UNC13C: variants seen among roughly 807,000 people sequenced by gnomAD.
UNC13C encodes the protein unc-13 homolog C, also known as protein unc-13 homolog C.
A neutral mutation model predicts 245.4 loss-of-function variants in UNC13C; 174 were observed. The observed-to-expected ratio is 0.71, with a 90% CI of 0.63 to 0.80. The LOEUF is 0.80. Among genes scored for constraint, UNC13C ranks in the 30% least tolerant of loss-of-function variants. The probability of loss-of-function intolerance (pLI) is 0.00; values close to 1 mark genes in which losing one functional copy is unlikely to be tolerated. For synonymous variants in UNC13C, 992 were observed against 895.1 expected (o/e 1.11, Z -1.93); for missense variants, 2,829 against 2,602.9 (o/e 1.09, Z -1.89).
At chr15:54,471,527 C>T (rs1892460998) in intron 19 of UNC13C, among the ~76,000 whole-genome samples, 1 of 151,514 alleles carries the variant, frequency 6.6e-6, no homozygotes, top group Non-Finnish European at 1.5e-5. Context: ...TCCCCTTTGG[C>T]TTTCTTTGCA....
chr15:54,444,976 C>A (rs555951746), intron 19 of UNC13C, among the ~76,000 whole-genome samples: 1 of 128,104 alleles, frequency 7.8e-6, no homozygotes, highest in East Asian at 2.9e-4. Flanking sequence ...TCCCCCCACC[C>A]CACAACAGCC....
chr15:54,322,250 T>C (rs936635646), intron 14 of UNC13C, among the ~76,000 whole-genome samples, 155 bp downstream of exon 14: 1 of 152,050 alleles, frequency 6.6e-6, no homozygotes, highest in Non-Finnish European at 1.5e-5. Flanking sequence ...ATTTGAAACA[T>C]TTTTAGTAAA....
chr15:54,076,214 C>A (rs1046151288), intron 2 of UNC13C, among the ~76,000 whole-genome samples: 5 of 149,886 alleles, frequency 3.3e-5, no homozygotes, highest in Non-Finnish European at 7.4e-5. Flanking sequence ...CCCACTAACT[C>A]GTCATCTAGC....
chr15:54,613,871 A>T (rs1900260082), intron 30 of UNC13C, among the ~76,000 whole-genome samples: 1 of 152,038 alleles, frequency 6.6e-6, no homozygotes, highest in Admixed American at 6.6e-5. Context: ...ATTTGTGACC[A>T]GGGCAAAGAT....
At chr15:53,841,608 G>A in the UNC13C span, among the ~76,000 whole-genome samples, 7 of 152,144 alleles carry the variant, frequency 4.6e-5, no homozygotes, top group Non-Finnish European at 1.0e-4. Context: ...AAGAAATTAT[G>A]GCATATGTGA....
At chr15:54,216,385 A>C (rs1369957732) in intron 4 of UNC13C, among the ~76,000 whole-genome samples, 1 of 152,022 alleles carries the variant, frequency 6.6e-6, no homozygotes, top group Non-Finnish European at 1.5e-5. Flanking sequence ...ATGGTAATAC[A>C]CAAAACAGAG....
chr15:54,134,442 T>TG (rs2031621635), intron 2 of UNC13C, among the ~76,000 whole-genome samples: 1 of 130,660 alleles, frequency 7.7e-6, no homozygotes, highest in African/African-American at 2.9e-5. Context: ...GTGTGTGCGT[T>TG]TGTGTGTGTA....
At chr15:54,457,939 G>C (rs1244171226) in intron 19 of UNC13C, among the ~76,000 whole-genome samples, 1 of 108,390 alleles carries the variant, frequency 9.2e-6, no homozygotes, top group Non-Finnish European at 1.8e-5. Context: ...TTTGGGTTTA[G>C]TTCGTTCTTG....
chr15:54,175,372 G>A (rs2033571342), intron 4 of UNC13C, among the ~76,000 whole-genome samples: 1 of 152,152 alleles, frequency 6.6e-6, no homozygotes, highest in Non-Finnish European at 1.5e-5. Context: ...TCTGTCTCCA[G>A]TAGCACCACG....
chr15:54,624,968 A>C, intron 32 of UNC13C, among the ~76,000 whole-genome samples: 1 of 152,174 alleles, frequency 6.6e-6, no homozygotes, highest in East Asian at 1.9e-4. Context: ...TCATTACTAA[A>C]ATTAGGAAAG....
chr15:54,265,854 T>C (rs2140892456), intron 10 of UNC13C, among the ~76,000 whole-genome samples: 1 of 152,088 alleles, frequency 6.6e-6, no homozygotes, highest in African/African-American at 2.4e-5. Context: ...TGAAGATTTA[T>C]ATCTAAAGCC....
At chr15:54,576,866 A>C (rs762249779) in intron 30 of UNC13C, among the ~76,000 whole-genome samples, 10 of 152,232 alleles carry the variant, frequency 6.6e-5, no homozygotes, top group Non-Finnish European at 1.3e-4. Flanking sequence ...TTGAAATCTA[A>C]GTGCCCAGTA....
At chr15:54,286,519 G>T (rs1022682727) in intron 10 of UNC13C, among the ~76,000 whole-genome samples, 2 of 152,104 alleles carry the variant, frequency 1.3e-5, no homozygotes, top group African/African-American at 2.4e-5. Flanking sequence ...AGGCAATCAG[G>T]CTTTACTGAC....
intron 4 of UNC13C, among the ~76,000 whole-genome samples, chr15:54,228,613 G>T (rs536988696): frequency 1.3e-5 from 2 of 152,292 alleles, no homozygotes; most frequent in African/African-American, 2.4e-5. Context: ...AAGGCAGCAG[G>T]TTCCCTTCTG....
intron 2 of UNC13C, among the ~76,000 whole-genome samples, chr15:54,136,437 GTTT>G (rs2031737174): frequency 6.6e-6 from 1 of 152,054 alleles, no homozygotes; most frequent in African/African-American, 2.4e-5. Context: ...TCAGTTTTAA[GTTT>G]TTTGGTGGAG....
At chr15:54,142,985 C>T in intron 2 of UNC13C, 33 bp from the exon 3 acceptor site, 3 of 1,603,696 alleles carry the variant, frequency 1.9e-6, no homozygotes, top group Non-Finnish European at 2.6e-6. Flanking sequence ...CTCCATCTAA[C>T]ATTTATCCCT....
chr15:54,584,223 A>G (rs1018696004), intron 30 of UNC13C, among the ~76,000 whole-genome samples: 1 of 152,172 alleles, frequency 6.6e-6, no homozygotes, highest in Non-Finnish European at 1.5e-5. Context: ...CGCAACAGAA[A>G]GTTTGGTTGT....
Position 54,025,760 on chromosome 15 carries a change from C to T in UNC13C, c.2983+9874C>T, listed in dbSNP as rs116735485. On this transcript the variant is annotated intron_variant, in intron 2 of 32. Coordinates refer to ENST00000260323, the MANE Select transcript of UNC13C (RefSeq NM_001080534.3). Reference sequence around the variant, plus strand: ...TTTTCCCAAATCATAAGCCAGCACTCAAACGATCAGATCTTTCTCCCATTT... The same window carrying T: ...TTTTCCCAAATCATAAGCCAGCACTTAAACGATCAGATCTTTCTCCCATTT... Among the ~76,000 whole-genome samples, 268 of 152,300 alleles carry T rather than the reference C, an allele frequency of 1.8e-3. 2 individuals carry two copies. Among genetic ancestry groups the T allele is most frequent in the African/African-American group, 6.4e-3 (266 of 41,568 alleles).
At chr15:53,941,537 C>T in the UNC13C span, among the ~76,000 whole-genome samples, 1 of 152,070 alleles carries the variant, frequency 6.6e-6, no homozygotes, top group Non-Finnish European at 1.5e-5. Context: ...TTCGTGTAAT[C>T]TATGCATCTG....
Sources: gnomAD v4.1 joint callset for allele counts (sites outside exome capture counted in the v4.1 genomes callset) on GRCh38, gnomAD v4.1.1 for gene constraint, MANE v1.5 for transcripts, NCBI Gene and HGNC (gene_info 2026-07-23, HGNC 2026-07-21) for gene names.